The following DNM3 variants were observed in gnomAD, a reference collection of about 807,000 sequenced individuals.
DNM3 encodes dynamin-3.
A neutral mutation model predicts 101.6 loss-of-function variants in DNM3; 47 were observed. The ratio of observed to expected loss-of-function variants is 0.46; its 90% CI spans 0.37 to 0.59. The LOEUF (loss-of-function observed/expected upper bound fraction) is 0.59. DNM3 is among the 20% of genes least tolerant of loss of function. DNM3 has a pLI of 0.00. For missense variants in DNM3, 849 were observed against 1,085.7 expected (o/e 0.78, Z 3.06); for synonymous variants, 385 against 387.9 (o/e 0.99, Z 0.09).
chr1:172,265,770 G>T (rs777493723), intron 15 of DNM3, among the ~76,000 whole-genome samples: 34 of 152,260 alleles, frequency 2.2e-4, no homozygotes, highest in East Asian at 1.5e-3. Context: ...TTAAGGTCAT[G>T]CTAAGGCCCA....
At position 171,868,815 on chromosome 1, in the gene DNM3, G is replaced by A. The variant is rs185260410; in HGVS notation, c.161+26998G>A. On this transcript the variant is annotated intron_variant, in intron 1 of 20. Transcript: ENST00000627582. ...TTTTTTTTTTTTGAGACGGAGTCTC[G>A]CTTTGTCACCCAGGCTGGAGTGCAG... 5.9e-5 allele frequency among the ~76,000 whole-genome samples: 9 copies of A among 151,666 alleles called. No individual in the cohort carries two copies. In the East Asian group the frequency reaches 9.7e-4, roughly 16 times the overall value.
chr1:172,229,102 C>G (rs2061242116), intron 14 of DNM3, among the ~76,000 whole-genome samples: 1 of 152,072 alleles, frequency 6.6e-6, no homozygotes, highest in African/African-American at 2.4e-5. Flanking sequence ...ACGAGTTAGG[C>G]TTTCATTATT....
chr1:172,191,691 T>C (rs998580495), intron 14 of DNM3, among the ~76,000 whole-genome samples: 1 of 152,186 alleles, frequency 6.6e-6, no homozygotes, highest in African/African-American at 2.4e-5. Flanking sequence ...TTTTATTTCG[T>C]TGAGCAGTGG....
intron 4 of DNM3, among the ~76,000 whole-genome samples, chr1:171,995,441 C>T (rs1010682045): frequency 6.6e-6 from 1 of 151,792 alleles, no homozygotes; most frequent in Non-Finnish European, 1.5e-5. Context: ...ATATTTACTC[C>T]TCAGATTGTT....
intron 17 of DNM3, among the ~76,000 whole-genome samples, chr1:172,335,743 G>A (rs1387044566): frequency 1.3e-5 from 2 of 151,388 alleles, no homozygotes; most frequent in East Asian, 1.9e-4. Context: ...TAAACACTGA[G>A]TACACATGGA....
chr1:172,122,345 CAT>C (rs1192506179), intron 13 of DNM3, among the ~76,000 whole-genome samples: 2 of 152,060 alleles, frequency 1.3e-5, no homozygotes, highest in African/African-American at 2.4e-5. Flanking sequence ...TATATTAACT[CAT>C]ATGATTCTCA....
intron 17 of DNM3, among the ~76,000 whole-genome samples, chr1:172,345,145 A>G (rs1158162471): frequency 1.1e-4 from 16 of 152,364 alleles, no homozygotes; most frequent in Admixed American, 9.8e-4. Flanking sequence ...CATAGAGGGA[A>G]TAAGAATTGT....
At chr1:172,096,194 T>A (rs1157204910) in intron 13 of DNM3, among the ~76,000 whole-genome samples, 1 of 152,252 alleles carries the variant, frequency 6.6e-6, no homozygotes, top group African/African-American at 2.4e-5. Context: ...TTTCACTATC[T>A]ATTACATTTT....
chr1:172,256,979 T>C (rs1461315736), intron 15 of DNM3, among the ~76,000 whole-genome samples: 1 of 151,876 alleles, frequency 6.6e-6, no homozygotes, highest in Non-Finnish European at 1.5e-5. Flanking sequence ...TTTTGTATCA[T>C]TGATTTCTAA....
intron 10 of DNM3, among the ~76,000 whole-genome samples, chr1:172,059,945 C>T (rs1482713186): frequency 7.0e-6 from 1 of 143,184 alleles, no homozygotes; most frequent in Non-Finnish European, 1.5e-5. Context: ...ATCTAGAAAA[C>T]CCCATTGTCT....
chr1:172,057,454 G>T (rs1402080978), intron 10 of DNM3, among the ~76,000 whole-genome samples: 3 of 152,192 alleles, frequency 2.0e-5, no homozygotes, highest in Admixed American at 2.0e-4. Context: ...GAAAGGTCGA[G>T]TTACCCTCAA....
intron 1 of DNM3, among the ~76,000 whole-genome samples, chr1:171,847,888 C>G (rs201931380): frequency 0.26 from 17,917 of 68,910 alleles, 1,192 homozygotes; most frequent in East Asian, 0.44. Flanking sequence ...TACTCTCTCT[C>G]TCTCTCTCTG....
chr1:172,052,666 C>A (rs970509418), intron 10 of DNM3, among the ~76,000 whole-genome samples: 2 of 152,136 alleles, frequency 1.3e-5, no homozygotes, highest in Non-Finnish European at 2.9e-5. Flanking sequence ...TGGCACTCCT[C>A]TCTCATGGGT....
At chr1:172,267,383 G>A (rs2062904873) in intron 15 of DNM3, among the ~76,000 whole-genome samples, 2 of 152,120 alleles carry the variant, frequency 1.3e-5, no homozygotes, top group African/African-American at 4.8e-5. Context: ...TAGAAGCCTA[G>A]AACTTCAAAT....
intron 2 of DNM3, among the ~76,000 whole-genome samples, chr1:171,933,114 CAA>C (rs1422275819): frequency 2.0e-5 from 3 of 152,082 alleles, no homozygotes; most frequent in African/African-American, 7.2e-5. Flanking sequence ...TCAGGTACCT[CAA>C]AATGGGGTTT....
chr1:172,353,197 G>A (rs1040407944), intron 17 of DNM3, among the ~76,000 whole-genome samples: 2 of 152,034 alleles, frequency 1.3e-5, no homozygotes, highest in African/African-American at 2.4e-5. Flanking sequence ...ATTCTATACC[G>A]GATGAACATC....
At chr1:172,091,494 C>G (rs1196529184) in intron 12 of DNM3, among the ~76,000 whole-genome samples, 5 of 152,116 alleles carry the variant, frequency 3.3e-5, no homozygotes, top group African/African-American at 1.2e-4. Context: ...ATGTTGGGAA[C>G]CATGCAGATG....
chr1:172,017,020 A>G (rs2047496580), intron 4 of DNM3, among the ~76,000 whole-genome samples: 1 of 152,130 alleles, frequency 6.6e-6, no homozygotes, highest in South Asian at 2.1e-4. Flanking sequence ...TTTCAAATTT[A>G]TGGGTATACA....
At chr1:171,995,047 T>C (rs2045901928) in intron 4 of DNM3, among the ~76,000 whole-genome samples, 1 of 150,910 alleles carries the variant, frequency 6.6e-6, no homozygotes, top group Non-Finnish European at 1.5e-5. Flanking sequence ...GGGATGGGCA[T>C]AGGGCAAGTT....
Sources: gnomAD v4.1 joint callset for allele counts (sites outside exome capture counted in the v4.1 genomes callset) on GRCh38, gnomAD v4.1.1 for gene constraint, MANE v1.5 for transcripts, NCBI Gene and HGNC (gene_info 2026-07-23, HGNC 2026-07-21) for gene names.